The following ARHGAP32 variants were observed in gnomAD, a reference collection of about 807,000 sequenced individuals.
The protein encoded by ARHGAP32 is rho GTPase-activating protein 32.
ARHGAP32 carries 51 observed loss-of-function variants against 186.5 expected under a neutral mutation model. The ratio of observed to expected loss-of-function variants is 0.27; its 90% CI spans 0.22 to 0.35. The LOEUF (loss-of-function observed/expected upper bound fraction) is 0.35. Ranked by LOEUF, ARHGAP32 falls within the 10% of genes least tolerant of loss-of-function variation. ARHGAP32 has a pLI of 1.00. For missense variants in ARHGAP32, 2,186 were observed against 2,623.5 expected (o/e 0.83, Z 3.64); for synonymous variants, 950 against 964.3 (o/e 0.99, Z 0.27).
chr11:129,102,583 T>C (rs915109813), intron 5 of ARHGAP32, among the ~76,000 whole-genome samples: 1 of 152,148 alleles, frequency 6.6e-6, no homozygotes, highest in Non-Finnish European at 1.5e-5. Context: ...TAAGAAGATA[T>C]ACAAATGACC....
intron 5 of ARHGAP32, among the ~76,000 whole-genome samples, chr11:129,112,052 G>A (rs963640126): frequency 2.0e-4 from 31 of 152,202 alleles, no homozygotes; most frequent in Middle Eastern, 3.4e-3. Context: ...AGACCAGCCT[G>A]ATCAATAAGG....
chr11:129,024,285 A>T, intron 11 of ARHGAP32: 1 of 392,566 alleles, frequency 2.5e-6, no homozygotes, highest in Non-Finnish European at 3.5e-6. Flanking sequence ...ACAGGTGAGC[A>T]CTTCCTGCTC....
chr11:128,973,008 T>A lies in ARHGAP32; in HGVS notation c.3498A>T (p.Pro1166=), dbSNP rs752769183. ...HHQVDLTGNQ[P]HQAYLSGDPE... Reference sequence around the variant, plus strand: ...GGTCCCCAGATAAATATGCTTGATGTGGCTGATTCCCTGTTAAGTCTACTT... The same window carrying A: ...GGTCCCCAGATAAATATGCTTGATGAGGCTGATTCCCTGTTAAGTCTACTT... The change falls in exon 22 of 23, where the codon CCA becomes CCT. Residue 1166 remains proline (P), a synonymous_variant. Transcript: ENST00000682385. 1 of 1,614,096 alleles carries A rather than the reference T, an allele frequency of 6.2e-7. No homozygotes were observed. Among genetic ancestry groups the A allele is most frequent in the Admixed American group, 1.7e-5 (1 of 60,008 alleles).
At chr11:129,081,290 C>T (rs1326518582) in intron 6 of ARHGAP32, among the ~76,000 whole-genome samples, 1 of 151,758 alleles carries the variant, frequency 6.6e-6, no homozygotes, top group Admixed American at 6.6e-5. Context: ...AATACCAAAA[C>T]TAAGAAAAGA....
intron 6 of ARHGAP32, among the ~76,000 whole-genome samples, chr11:129,088,136 T>C (rs553060224): frequency 7.5e-4 from 114 of 152,340 alleles, no homozygotes; most frequent in Non-Finnish European, 1.3e-3. Flanking sequence ...TACATCTCCA[T>C]TTATAAAATT....
At chr11:129,237,132 T>C (rs1944947597) in intron 1 of ARHGAP32, among the ~76,000 whole-genome samples, 1 of 152,212 alleles carries the variant, frequency 6.6e-6, no homozygotes, top group Admixed American at 6.6e-5. Context: ...CTTTTTGATA[T>C]GCTGTTGGAC....
Position 129,246,599 on chromosome 11 carries a change from G to C in ARHGAP32, c.-5+32547C>G, listed in dbSNP as rs112933447. ...CTATAAATCACTAGTCAAAGAACCA[G>C]GGCAATACTTAACCTTTACGCGACA... On this transcript the variant is annotated intron_variant, in intron 1 of 6. Transcript: ENST00000525234. Among the ~76,000 whole-genome samples, 28 of 152,258 alleles carry C rather than the reference G, an allele frequency of 1.8e-4. 1 individual carries two copies. The highest frequency in any genetic ancestry group is 6.7e-4 in the African/African-American group (28 of 41,550).
intron 18 of ARHGAP32, 37 bp from the exon 19 acceptor site, chr11:128,978,952 C>A: frequency 6.4e-7 from 1 of 1,564,654 alleles, no homozygotes; most frequent in South Asian, 1.2e-5. Context: ...TTAAGATAGC[C>A]ATGGGTCTGT....
intron 2 of ARHGAP32, among the ~76,000 whole-genome samples, chr11:129,142,604 C>G (rs1350648049): frequency 1.3e-5 from 2 of 151,730 alleles, no homozygotes; most frequent in Non-Finnish European, 2.9e-5. Flanking sequence ...CTGAAATTGC[C>G]ATGGAAAATC....
At chr11:129,070,820 A>G (rs1423778889) in intron 6 of ARHGAP32, among the ~76,000 whole-genome samples, 1 of 151,956 alleles carries the variant, frequency 6.6e-6, no homozygotes, top group Non-Finnish European at 1.5e-5. Context: ...AAAAATAATG[A>G]CTTAAAAATT....
chr11:129,005,839 C>T (rs1261235369), intron 11 of ARHGAP32, among the ~76,000 whole-genome samples: 2 of 152,112 alleles, frequency 1.3e-5, no homozygotes, highest in African/African-American at 2.4e-5. Flanking sequence ...CTTTCTACCC[C>T]TATCTCTTTC....
chr11:128,981,327 T>A, intron 17 of ARHGAP32, 89 bp downstream of exon 17: 1 of 1,404,714 alleles, frequency 7.1e-7, no homozygotes, highest in Non-Finnish European at 9.6e-7. Flanking sequence ...GTGACACGTT[T>A]TTGTTGTTGC....
At chr11:128,991,179 AG>A (rs747111883) in intron 12 of ARHGAP32, among the ~76,000 whole-genome samples, 4 of 152,192 alleles carry the variant, frequency 2.6e-5, no homozygotes, top group Non-Finnish European at 4.4e-5. Flanking sequence ...GGAGAATTAG[AG>A]GTCTTTTCCT....
chr11:129,234,880 C>T (rs1044231940), intron 1 of ARHGAP32, among the ~76,000 whole-genome samples: 7 of 152,132 alleles, frequency 4.6e-5, no homozygotes, highest in African/African-American at 1.7e-4. Context: ...CCCTATTTCA[C>T]CATTCCCTTA....
chr11:129,059,169 A>T (rs1940387987), intron 10 of ARHGAP32, among the ~76,000 whole-genome samples: 1 of 152,202 alleles, frequency 6.6e-6, no homozygotes, highest in South Asian at 2.1e-4. Flanking sequence ...AGTGCTCTTC[A>T]GGCAATGAGA....
chr11:128,976,669 T>A lies in ARHGAP32; in HGVS notation c.2123-35A>T, dbSNP rs779063097. ...AAAAAACACATAGTGTGAAGATTTCTTATTTGTTACATATGTGGTTAATGG... is the reference window on the plus strand; with the variant it reads ...AAAAAACACATAGTGTGAAGATTTCATATTTGTTACATATGTGGTTAATGG... On this transcript the variant is annotated intron_variant, in intron 19 of 22. Coordinates refer to ENST00000682385, the MANE Select transcript of ARHGAP32 (RefSeq NM_001378024.1). The A allele has an allele frequency of 1.9e-6, 3 of 1,561,512 alleles. No homozygotes were observed. The South Asian group carries it at 3.3e-5, about 17-fold the overall frequency.
At chr11:129,234,180 A>G (rs980464504) in intron 1 of ARHGAP32, among the ~76,000 whole-genome samples, 1 of 152,100 alleles carries the variant, frequency 6.6e-6, no homozygotes, top group African/African-American at 2.4e-5. Context: ...ACTATCTAAC[A>G]TTAAAGTTTT....
intron 1 of ARHGAP32, among the ~76,000 whole-genome samples, chr11:129,233,952 G>A (rs4332538): frequency 6.6e-6 from 1 of 151,552 alleles, no homozygotes; most frequent in Admixed American, 6.6e-5. Context: ...TTACTTCTAG[G>A]TAAAAAGAAA....
intron 2 of ARHGAP32, among the ~76,000 whole-genome samples, chr11:129,142,228 C>A (rs1382906287): frequency 6.6e-6 from 1 of 152,096 alleles, no homozygotes; most frequent in Non-Finnish European, 1.5e-5. Context: ...TCCTGTCTTC[C>A]ACGTGTGCTT....
Sources: allele counts gnomAD v4.1 joint callset (sites outside exome capture counted in the v4.1 genomes callset), GRCh38; gene constraint gnomAD v4.1.1; transcripts MANE v1.5; gene names NCBI Gene and HGNC (gene_info 2026-07-23, HGNC 2026-07-21).